The following AGBL4 variants were observed in gnomAD, a reference collection of about 807,000 sequenced individuals.
The protein encoded by AGBL4 is cytosolic carboxypeptidase 6.
Under a neutral mutation model 66.4 loss-of-function variants are expected in AGBL4, and 58 were observed. The observed-to-expected ratio is 0.87, with a 90% confidence interval of 0.71 to 1.09. AGBL4 has a LOEUF of 1.09. Among genes scored for constraint, AGBL4 ranks in the 50% least tolerant of loss-of-function variants. The pLI, the probability that AGBL4 is intolerant of heterozygous loss-of-function variation, is 0.00. For synonymous variants in AGBL4, 234 were observed against 222.9 expected, an observed-to-expected ratio of 1.05 and a Z score of -0.44; for missense variants, 579 against 631.0, an observed-to-expected ratio of 0.92 and a Z score of 0.88.
At chr1:49,795,705 T>C (rs1644713442) in intron 2 of AGBL4, among the ~76,000 whole-genome samples, 1 of 151,740 alleles carries the variant, frequency 6.6e-6, no homozygotes, top group Admixed American at 6.6e-5. Context: ...AAATCAGTAG[T>C]AAAGAGATAA....
At chr1:49,122,032 T>A (rs1454056252) in intron 4 of AGBL4, among the ~76,000 whole-genome samples, 1 of 152,174 alleles carries the variant, frequency 6.6e-6, no homozygotes, top group Non-Finnish European at 1.5e-5. Flanking sequence ...CGGGAGAGAA[T>A]CTCCTTGTCT....
At chr1:48,835,810 C>T (rs1275408247) in intron 6 of AGBL4, among the ~76,000 whole-genome samples, 1 of 152,036 alleles carries the variant, frequency 6.6e-6, no homozygotes, top group Non-Finnish European at 1.5e-5. Flanking sequence ...AACACTGATC[C>T]CAGCAGAGGG....
intron 4 of AGBL4, among the ~76,000 whole-genome samples, chr1:49,065,553 A>G (rs1220901209): frequency 6.6e-6 from 1 of 152,212 alleles, no homozygotes; most frequent in Non-Finnish European, 1.5e-5. Flanking sequence ...GCTGCAGGGA[A>G]TGGAGTGGGA....
At chr1:49,091,781 A>C (rs1645007958) in intron 4 of AGBL4, among the ~76,000 whole-genome samples, 1 of 152,190 alleles carries the variant, frequency 6.6e-6, no homozygotes, top group Non-Finnish European at 1.5e-5. Flanking sequence ...AATCAACCTA[A>C]ATGCCCATCA....
At chr1:48,580,988 AC>A (rs1644731241) in intron 11 of AGBL4, among the ~76,000 whole-genome samples, 1 of 151,376 alleles carries the variant, frequency 6.6e-6, no homozygotes, top group Admixed American at 6.6e-5. Flanking sequence ...CTTTCTTCCG[AC>A]CCCCTCCTGC....
At chr1:49,241,434 A>T (rs544454116) in intron 4 of AGBL4, among the ~76,000 whole-genome samples, 2 of 152,198 alleles carry the variant, frequency 1.3e-5, no homozygotes, top group Admixed American at 1.3e-4. Context: ...TCTTAGTACA[A>T]ACAATACTTC....
intron 1 of AGBL4, among the ~76,000 whole-genome samples, chr1:50,014,536 C>CTTTTTTT (rs886696766): frequency 4.6e-5 from 5 of 109,028 alleles, no homozygotes; most frequent in Non-Finnish European, 7.7e-5. Context: ...CAGAGGATTT[C>CTTTTTTT]TTTTTTTTTT....
intron 11 of AGBL4, chr1:48,584,427 C>T (rs1045547716): frequency 6.6e-6 from 1 of 152,224 alleles, no homozygotes; most frequent in Non-Finnish European, 1.5e-5. Context: ...ATATTAAAAA[C>T]TCAGTTTAGG....
chr1:48,605,089 A>G (rs966037329), intron 9 of AGBL4, among the ~76,000 whole-genome samples: 2 of 152,222 alleles, frequency 1.3e-5, no homozygotes, highest in Admixed American at 6.5e-5. Flanking sequence ...CCTGTTTTAC[A>G]GATGAATGCA....
At chr1:49,883,319 T>C (rs1302475509) in intron 1 of AGBL4, among the ~76,000 whole-genome samples, 1 of 152,088 alleles carries the variant, frequency 6.6e-6, no homozygotes, top group African/African-American at 2.4e-5. Flanking sequence ...GGAGAAGTCC[T>C]ACCCAACCTG....
In AGBL4 at chr1:49,785,295, G is replaced by C. The variant is rs192429608; in HGVS notation, c.157+66101C>G. Among the ~76,000 whole-genome samples the C allele has an allele frequency of 9.2e-5, 14 of 152,028 alleles. No homozygotes were observed. The East Asian group carries it at 2.7e-3, about 29-fold the overall frequency. On this transcript the variant is annotated intron_variant, in intron 2 of 13. Coordinates refer to ENST00000371839, the MANE Select transcript of AGBL4 (RefSeq NM_032785.4). The stretch of plus-strand genomic sequence containing the variant: ...GGTGACATTAGAAATGATAATGTAT[G>C]TTACAAAATTACTAAAAGAATGTAT...
chr1:49,592,463 G>A (rs1285944650), intron 3 of AGBL4, among the ~76,000 whole-genome samples: 1 of 152,098 alleles, frequency 6.6e-6, no homozygotes, highest in Non-Finnish European at 1.5e-5. Flanking sequence ...CTAGCTACTT[G>A]GGAGGCTGAG....
At chr1:48,695,726 TA>T (rs1247343771) in intron 6 of AGBL4, among the ~76,000 whole-genome samples, 3 of 152,204 alleles carry the variant, frequency 2.0e-5, no homozygotes, top group Non-Finnish European at 4.4e-5. Context: ...GGAGGACAGC[TA>T]AATTCTGTGG....
At chr1:49,728,653 T>C (rs1174832340) in intron 2 of AGBL4, among the ~76,000 whole-genome samples, 3 of 151,994 alleles carry the variant, frequency 2.0e-5, no homozygotes, top group African/African-American at 4.8e-5. Context: ...TGAGAAGGCA[T>C]GTGGGGAGAG....
At chr1:49,246,768 A>G (rs1651678768) in intron 3 of AGBL4, among the ~76,000 whole-genome samples, 1 of 152,016 alleles carries the variant, frequency 6.6e-6, no homozygotes, top group South Asian at 2.1e-4. Flanking sequence ...AGATGATGAG[A>G]GCTACGGGTA....
chr1:49,305,695 C>CTT lies in AGBL4; in HGVS notation c.283-59833_283-59832dup, dbSNP rs34572464. ...GGAAAGTAATATGAATTAATCATTCCTTTTTTTTTTTTTAGATGGAGTTTT... is the reference window on the plus strand; with the variant it reads ...GGAAAGTAATATGAATTAATCATTCCTTTTTTTTTTTTTTTAGATGGAGTTTT... On this transcript the variant is annotated intron_variant, in intron 3 of 13. Coordinates refer to ENST00000371839, the MANE Select transcript of AGBL4 (RefSeq NM_032785.4). Among the ~76,000 whole-genome samples the CTT allele has an allele frequency of 9.9e-4, 145 of 146,192 alleles. 3 individuals carry two copies. In the East Asian group the frequency reaches 0.019, roughly 19 times the overall value.
At chr1:48,698,365 A>AG (rs953081317) in intron 6 of AGBL4, among the ~76,000 whole-genome samples, 5 of 152,202 alleles carry the variant, frequency 3.3e-5, no homozygotes, top group Non-Finnish European at 5.9e-5. Flanking sequence ...GTACAGTGGG[A>AG]GAGAAGCCCA....
intron 1 of AGBL4, among the ~76,000 whole-genome samples, chr1:49,948,027 A>C (rs769976550): frequency 1.1e-4 from 8 of 75,854 alleles, no homozygotes; most frequent in East Asian, 3.3e-4. Flanking sequence ...AATATATATA[A>C]ATATATATAC....
At position 49,655,691 on chromosome 1, in the gene AGBL4, A is replaced by G. The variant is rs1646111843; in HGVS notation, c.282+41622T>C. Among the ~76,000 whole-genome samples, 3 of 152,222 alleles carry G rather than the reference A, an allele frequency of 2.0e-5. No homozygotes were observed. In the South Asian group the frequency reaches 6.2e-4, roughly 32 times the overall value. Reference sequence around the variant, plus strand: ...ATTCAACAGCTAGCAGAAGGCAAGAAATAACTAAGATCAGAGCAGAACTGA... The same window carrying G: ...ATTCAACAGCTAGCAGAAGGCAAGAGATAACTAAGATCAGAGCAGAACTGA... On this transcript the variant is annotated intron_variant, in intron 3 of 13. Coordinates refer to ENST00000371839, the MANE Select transcript of AGBL4 (RefSeq NM_032785.4).
Sources: allele counts gnomAD v4.1 joint callset (sites outside exome capture counted in the v4.1 genomes callset), GRCh38; gene constraint gnomAD v4.1.1; transcripts MANE v1.5; gene names NCBI Gene and HGNC (gene_info 2026-07-23, HGNC 2026-07-21).